GUCY1B1: variants seen among roughly 807,000 people sequenced by gnomAD.
GUCY1B1 encodes the protein guanylate cyclase soluble subunit beta-1.
A neutral mutation model predicts 71.0 loss-of-function variants in GUCY1B1; 43 were observed. That is an observed-to-expected ratio of 0.61 (90% CI 0.47 to 0.78). The LOEUF (loss-of-function observed/expected upper bound fraction) is 0.78, where lower values mean the gene tolerates loss of function less well. Among genes scored for constraint, GUCY1B1 ranks in the 30% least tolerant of loss-of-function variants. GUCY1B1 has a pLI of 0.00. For missense variants in GUCY1B1, 535 were observed against 754.1 expected, an observed-to-expected ratio of 0.71 and a Z score of 3.40; for synonymous variants, 266 against 259.7, an observed-to-expected ratio of 1.02 and a Z score of -0.23.
intron 5 of GUCY1B1, among the ~76,000 whole-genome samples, chr4:155,792,200 C>T (rs1739228365): frequency 6.6e-6 from 1 of 151,566 alleles, no homozygotes. Flanking sequence ...CAATTTGAAC[C>T]ACATGGTTAA....
chr4:155,765,910 T>C lies in GUCY1B1; in HGVS notation c.77+6050T>C, dbSNP rs1181117490. ...TTTGAGATGTCAAAGCAAATGTCAC[T>C]TCTTAAGGGAACCTTCTCTCACATC... On this transcript the variant is annotated intron_variant, in intron 2 of 13. Transcript: ENST00000264424. Among the ~76,000 whole-genome samples, 7 of 152,302 alleles carry C rather than the reference T, an allele frequency of 4.6e-5. No individual in the cohort carries two copies. The South Asian group carries it at 6.2e-4, about 14-fold the overall frequency.
intron 4 of GUCY1B1, among the ~76,000 whole-genome samples, chr4:155,787,965 G>C (rs1336236007): frequency 6.6e-6 from 1 of 152,128 alleles, no homozygotes; most frequent in Non-Finnish European, 1.5e-5. Flanking sequence ...ATGACATTTT[G>C]AAACTGTTTT....
intron 4 of GUCY1B1, among the ~76,000 whole-genome samples, chr4:155,782,224 C>T (rs1738480882): frequency 6.6e-6 from 1 of 152,064 alleles, no homozygotes; most frequent in African/African-American, 2.4e-5. Context: ...TACAGGCGCC[C>T]GCCACCACAC....
intron 4 of GUCY1B1, among the ~76,000 whole-genome samples, chr4:155,783,933 A>G (rs1579221985): frequency 2.0e-5 from 3 of 152,152 alleles, no homozygotes; most frequent in Admixed American, 2.0e-4. Flanking sequence ...TTATGAAGGA[A>G]GATAAGAAGT....
intron 8 of GUCY1B1, 76 bp from the exon 9 acceptor site, chr4:155,799,801 T>A: frequency 1.3e-6 from 1 of 757,532 alleles, no homozygotes; most frequent in Non-Finnish European, 2.2e-6. Context: ...AGGATCAGAT[T>A]CCTTGACAGA....
intron 4 of GUCY1B1, among the ~76,000 whole-genome samples, chr4:155,782,201 G>A (rs1207788294): frequency 6.6e-5 from 10 of 152,142 alleles, no homozygotes; most frequent in African/African-American, 1.4e-4. Flanking sequence ...TCAGCCGCCC[G>A]AGTAGCTGGG....
chr4:155,784,011 GATTA>G (rs1190345060), intron 4 of GUCY1B1, among the ~76,000 whole-genome samples: 4 of 152,152 alleles, frequency 2.6e-5, no homozygotes, highest in South Asian at 4.1e-4. Flanking sequence ...TCAAAATATT[GATTA>G]ATTGTTACAT....
At chr4:155,785,240 G>A in intron 4 of GUCY1B1, 1 of 1,126,408 alleles carries the variant, frequency 8.9e-7, no homozygotes, top group Non-Finnish European at 1.3e-6. Flanking sequence ...TATTTTTCCT[G>A]TTTTTTGATT....
At chr4:155,764,135 CA>C (rs1414612601) in intron 2 of GUCY1B1, among the ~76,000 whole-genome samples, 1 of 152,258 alleles carries the variant, frequency 6.6e-6, no homozygotes, top group East Asian at 1.9e-4. Context: ...CAAAAGAGCA[CA>C]TCACCATGTT....
chr4:155,776,960 T>G (rs1027334601), intron 3 of GUCY1B1, among the ~76,000 whole-genome samples: 1 of 152,128 alleles, frequency 6.6e-6, no homozygotes, highest in Non-Finnish European at 1.5e-5. Flanking sequence ...AGACCAGAAG[T>G]GTTTAGGCTT....
intron 2 of GUCY1B1, among the ~76,000 whole-genome samples, chr4:155,765,758 C>T (rs1737291349): frequency 6.6e-6 from 1 of 152,112 alleles, no homozygotes; most frequent in African/African-American, 2.4e-5. Context: ...GCATTCCAGC[C>T]CCATGGGCCT....
intron 2 of GUCY1B1, among the ~76,000 whole-genome samples, chr4:155,773,661 A>G (rs1412639857): frequency 6.6e-6 from 1 of 152,194 alleles, no homozygotes; most frequent in Non-Finnish European, 1.5e-5. Context: ...GCTTAGACCA[A>G]AAACCTCAGT....
intron 2 of GUCY1B1, among the ~76,000 whole-genome samples, chr4:155,769,148 G>A (rs1320673311): frequency 6.6e-6 from 1 of 152,020 alleles, no homozygotes; most frequent in Non-Finnish European, 1.5e-5. Flanking sequence ...TGAGATTTTT[G>A]CATAGGTTAA....
chr4:155,791,305 C>T (rs1739141636), intron 5 of GUCY1B1, among the ~76,000 whole-genome samples: 1 of 150,796 alleles, frequency 6.6e-6, no homozygotes, highest in Admixed American at 6.6e-5. Flanking sequence ...TTAGTAGAGA[C>T]GGGGTTTCAC....
intron 5 of GUCY1B1, 97 bp downstream of exon 5, chr4:155,790,008 C>A: frequency 1.3e-6 from 1 of 795,172 alleles, no homozygotes; most frequent in Non-Finnish European, 2.1e-6. Context: ...ACTGTTAGTG[C>A]TCTTCCCTGG....
At chr4:155,781,912 G>T (rs1738443970) in intron 4 of GUCY1B1, among the ~76,000 whole-genome samples, 2 of 152,008 alleles carry the variant, frequency 1.3e-5, no homozygotes, top group South Asian at 4.1e-4. Flanking sequence ...TTGATTTTTG[G>T]ATCTTATATA....
At chr4:155,782,354 G>T (rs1267816823) in intron 4 of GUCY1B1, among the ~76,000 whole-genome samples, 5 of 152,180 alleles carry the variant, frequency 3.3e-5, no homozygotes, top group Non-Finnish European at 5.9e-5. Flanking sequence ...CTCCCAAAGT[G>T]CTGGGATTAC....
chr4:155,767,436 G>T (rs1561001849), intron 2 of GUCY1B1, among the ~76,000 whole-genome samples: 1 of 151,944 alleles, frequency 6.6e-6, no homozygotes, highest in South Asian at 2.1e-4. Context: ...TACCATTAAG[G>T]GTCTCTTGTG....
chr4:155,795,124 G>A (rs752092357), intron 6 of GUCY1B1, among the ~76,000 whole-genome samples: 9 of 152,002 alleles, frequency 5.9e-5, no homozygotes, highest in Non-Finnish European at 5.9e-5. Context: ...ATCCATATCA[G>A]ATTTCATGTT....
Sources: gnomAD v4.1 joint callset for allele counts (sites outside exome capture counted in the v4.1 genomes callset) on GRCh38, gnomAD v4.1.1 for gene constraint, MANE v1.5 for transcripts, NCBI Gene and HGNC (gene_info 2026-07-23, HGNC 2026-07-21) for gene names.